The following AGL variants were observed in gnomAD, a reference collection of about 807,000 sequenced individuals.
The protein encoded by AGL is glycogen debranching enzyme.
A neutral mutation model predicts 199.3 loss-of-function variants in AGL; 128 were observed. The ratio of observed to expected loss-of-function variants is 0.64; its 90% confidence interval spans 0.56 to 0.74. The LOEUF is 0.74. Among genes scored for constraint, AGL ranks in the 30% least tolerant of loss-of-function variants. AGL has a pLI of 0.00. For synonymous variants in AGL, 584 were observed against 594.7 expected (o/e 0.98, Z 0.26); for missense variants, 1,809 against 1,820.8 (o/e 0.99, Z 0.12).
chr1:99,854,536 G>A (rs1021372558), intron 2 of AGL, among the ~76,000 whole-genome samples: 2 of 152,096 alleles, frequency 1.3e-5, no homozygotes, highest in Non-Finnish European at 2.9e-5. Flanking sequence ...GCCGAGGCGG[G>A]CGGATCACGA....
chr1:99,861,743 A>G, intron 3 of AGL, 30 bp downstream of exon 3: 1 of 1,609,576 alleles, frequency 6.2e-7, no homozygotes, highest in Non-Finnish European at 8.5e-7. Context: ...TGTGAGAAAA[A>G]AAGTTAATTT....
intron 2 of AGL, among the ~76,000 whole-genome samples, chr1:99,857,850 G>GAGACCGTGGGGAGGGGGAGGGGGGGGA (rs1649688821): frequency 3.2e-5 from 1 of 31,742 alleles, no homozygotes; most frequent in East Asian, 1.1e-3. Context: ...GAGGGGGAGG[G>GAGACCGTGGGGAGGGGGAGGGGGGGGA]GGGAAGAGGG....
At chr1:99,892,643 CGATA>C in intron 24 of AGL, 36 bp downstream of exon 24, 1 of 1,591,740 alleles carries the variant, frequency 6.3e-7, no homozygotes, top group Non-Finnish European at 8.6e-7. Flanking sequence ...ATATGTAAAT[CGATA>C]GTATTCGCGG....
chr1:99,880,173 T>G, intron 13 of AGL, 127 bp downstream of exon 13: 1 of 1,378,914 alleles, frequency 7.3e-7, no homozygotes. Flanking sequence ...CTAAATACTT[T>G]GTATGACATA....
rs368295546 is a variant in AGL, at chr1:99,862,251, C to T, written c.294-6C>T. On this transcript the variant is annotated splice_region_variant and splice_polypyrimidine_tract_variant and intron_variant, in intron 3 of 33. Transcript: ENST00000361915. ...TGAAAAGTTTTTGTTTTGTTTTTTC[C>T]CTTAGAAATGAGAAAAGTGGTGGAG... The T allele has an allele frequency of 1.2e-6, 2 of 1,612,602 alleles. No individual in the cohort carries two copies. The highest frequency in any genetic ancestry group is 1.7e-6 in the Non-Finnish European group (2 of 1,179,506).
chr1:99,899,212 T>C (rs1653595269), intron 25 of AGL, among the ~76,000 whole-genome samples: 1 of 152,214 alleles, frequency 6.6e-6, no homozygotes, highest in Non-Finnish European at 1.5e-5. Flanking sequence ...AAGATGGGCA[T>C]TAAGCTTAGA....
At chr1:99,895,161 G>A (rs1454429440) in intron 24 of AGL, among the ~76,000 whole-genome samples, 1 of 152,052 alleles carries the variant, frequency 6.6e-6, no homozygotes, top group Non-Finnish European at 1.5e-5. Context: ...CAATTCTCCT[G>A]CCTCAGCCAC....
chr1:99,870,986 A>ATTTTTTTTTTTTTTTTTTTTTTTT (rs1650950560), intron 7 of AGL, 117 bp downstream of exon 7: 1 of 687,452 alleles, frequency 1.5e-6, no homozygotes, highest in Non-Finnish European at 2.5e-6. Context: ...TATTTGTGTT[A>ATTTTTTTTTTTTTTTTTTTTTTTT]TTGTTGATAT....
In AGL at chr1:99,879,908, C is replaced by T; in HGVS notation, c.1612-15C>T. 1 of 1,594,436 alleles carries T rather than the reference C, an allele frequency of 6.3e-7. No individual in the cohort carries two copies. The highest frequency in any genetic ancestry group is 1.1e-5 in the South Asian group (1 of 90,668). ...TTACATTTATTTGTTACATTTGTCA[C>T]TGTGCTTTTTACAGTACATGTTGGA... On this transcript the variant is annotated splice_polypyrimidine_tract_variant and intron_variant, in intron 12 of 33. Coordinates refer to ENST00000361915, the MANE Select transcript of AGL (RefSeq NM_000642.3).
Position 99,875,460 on chromosome 1 carries a change from T to TG in AGL, c.1283+6dup. The TG allele has an allele frequency of 1.2e-6, 2 of 1,613,720 alleles. No individual in the cohort carries two copies. The highest frequency in any genetic ancestry group is 8.5e-7 in the Non-Finnish European group (1 of 1,179,650). On this transcript the variant is annotated splice_donor_region_variant and intron_variant, in intron 10 of 33. Coordinates refer to ENST00000361915, the MANE Select transcript of AGL (RefSeq NM_000642.3). Reference sequence around the variant, plus strand: ...AAAGCATCCTTTAGTTACCAGGTGTTGCATTTTTGTTTTTTTTCTTATTGA... The same window carrying TG: ...AAAGCATCCTTTAGTTACCAGGTGTTGGCATTTTTGTTTTTTTTCTTATTGA...
intron 2 of AGL, among the ~76,000 whole-genome samples, chr1:99,857,063 A>T (rs1649547042): frequency 1.3e-5 from 2 of 148,316 alleles, no homozygotes; most frequent in African/African-American, 2.5e-5. Context: ...CTGGCCGGGC[A>T]GGGGGCTGAC....
rs138743315 is a variant in AGL, at chr1:99,922,754, A to G, written c.*1103A>G. ...CTGTTTTTTACTGTTTTCTTAAGAA[A>G]ACAGTTAAATCATTATGCATTCAGT... On this transcript the variant is annotated 3_prime_UTR_variant, in exon 34 of 34. Transcript: ENST00000361915. The G allele has an allele frequency of 1.3e-4, 20 of 152,150 alleles. No individual in the cohort carries two copies. The highest frequency in any genetic ancestry group is 3.4e-3 in the Middle Eastern group (1 of 292). The allele number at this position is 152,150 out of a possible 1,614,324, so 9.4% of individuals were successfully genotyped here.
In AGL at chr1:99,922,721, A is replaced by ATTTTTTACTG. The variant is rs2100906902; in HGVS notation, c.*1085_*1094dup. The ATTTTTTACTG allele has an allele frequency of 6.6e-6, 1 of 152,114 alleles. No individual in the cohort carries two copies. Among genetic ancestry groups the ATTTTTTACTG allele is most frequent in the Non-Finnish European group, 1.5e-5 (1 of 67,894 alleles). 9.4% of individuals were successfully genotyped at this position (152,114 alleles called of 1,614,324 possible). A position where few individuals can be genotyped will look rare whatever the true frequency, so the allele number is the denominator to read the frequency against. On this transcript the variant is annotated 3_prime_UTR_variant, in exon 34 of 34. Transcript: ENST00000361915. ...TCATAGAACTTATTTCCTAGATAGA[A>ATTTTTTACTG]TTTTTTACTGTTTTTTACTGTTTTC...
intron 27 of AGL, among the ~76,000 whole-genome samples, chr1:99,909,337 G>A (rs1160441044): frequency 6.6e-6 from 1 of 152,022 alleles, no homozygotes; most frequent in African/African-American, 2.4e-5. Flanking sequence ...GATTCCCCTC[G>A]TGGTGCCCGC....
chr1:99,884,298 C>T (rs767257183), intron 18 of AGL, 41 bp from the exon 19 acceptor site: 6 of 1,606,286 alleles, frequency 3.7e-6, no homozygotes, highest in Admixed American at 1.7e-5. Context: ...AACATTAGAA[C>T]TATTTGTTGA....
At chr1:99,906,759 CT>C (rs1167130821) in intron 27 of AGL, among the ~76,000 whole-genome samples, 1 of 152,132 alleles carries the variant, frequency 6.6e-6, no homozygotes, top group Non-Finnish European at 1.5e-5. Flanking sequence ...CATACATTTT[CT>C]TTATTCATTC....
chr1:99,887,179 G>A (rs1225938035), intron 20 of AGL, among the ~76,000 whole-genome samples: 1 of 152,122 alleles, frequency 6.6e-6, no homozygotes, highest in East Asian at 1.9e-4. Flanking sequence ...ACATTCAAGA[G>A]GATATGTGTT....
Position 99,877,683 on chromosome 1 carries a change from A to G in AGL, c.1466A>G (p.Asp489Gly), listed in dbSNP as rs1227999439. 2 of 1,613,904 alleles carry G rather than the reference A, an allele frequency of 1.2e-6. No individual in the cohort carries two copies. The highest frequency in any genetic ancestry group is 1.7e-6 in the Non-Finnish European group (2 of 1,179,990). ...YLRRELICWGDSVKLRYGNKP... is the reference protein window; with the variant it reads ...YLRRELICWGGSVKLRYGNKP... ...AGGAGAGAACTTATTTGCTGGGGAG[A>G]CAGTGTTAAATTACGCTATGGGAAT... Residue 489 changes from aspartate (D) to glycine (G), a missense_variant, in exon 12 of 34, where the codon GAC becomes GGC. Coordinates refer to ENST00000361915, the MANE Select transcript of AGL (RefSeq NM_000642.3).
chr1:99,869,500 A>T (rs567596), intron 5 of AGL, among the ~76,000 whole-genome samples: 2 of 152,192 alleles, frequency 1.3e-5, no homozygotes, highest in Admixed American at 6.5e-5. Context: ...TTCTGAAGAG[A>T]GACTTGGCCA....
Sources: gnomAD v4.1 joint callset for allele counts (sites outside exome capture counted in the v4.1 genomes callset) on GRCh38, gnomAD v4.1.1 for gene constraint, MANE v1.5 for transcripts, NCBI Gene and HGNC (gene_info 2026-07-23, HGNC 2026-07-21) for gene names.